P2RX3: variants seen among roughly 807,000 people sequenced by gnomAD.
The protein encoded by P2RX3 is P2X purinoceptor 3.
Under a neutral mutation model 51.5 loss-of-function variants are expected in P2RX3, and 41 were observed. The observed-to-expected ratio is 0.80, with a 90% CI of 0.62 to 1.03. The LOEUF is 1.03. Ranked by LOEUF, P2RX3 falls within the 50% of genes least tolerant of loss-of-function variation. P2RX3 has a pLI of 0.00. For missense variants in P2RX3, 459 were observed against 522.1 expected (o/e 0.88, Z 1.18); for synonymous variants, 185 against 191.6 (o/e 0.97, Z 0.29).
Position 57,368,071 on chromosome 11 carries a change from G to T in P2RX3, c.905G>T (p.Gly302Val), listed in dbSNP as rs183012090. ...SEYRTLLKAF[G>V]IRFDVLVYGN... ...TACCGCACCCTCCTGAAGGCTTTTG[G>T]CATCCGCTTCGACGTGCTGGTATAC... The change falls in exon 9 of 12, where the codon GGC becomes GTC. Residue 302 changes from glycine (G) to valine (V), a missense_variant. Transcript: ENST00000263314. 162 of 1,614,156 alleles carry T rather than the reference G, an allele frequency of 1.0e-4. 1 individual carries two copies. The Admixed American group carries it at 2.6e-3, about 26-fold the overall frequency.
chr11:57,348,259 G>A lies in P2RX3; in HGVS notation c.481G>A (p.Glu161Lys). The A allele has an allele frequency of 6.2e-7, 1 of 1,600,134 alleles. No homozygotes were observed. The highest frequency in any genetic ancestry group is 1.1e-5 in the South Asian group (1 of 88,176). ...GWCPTEVDTV[E>K]TPIMMEAENF... The stretch of plus-strand genomic sequence containing the variant: ...GTGCCCCACGGAGGTGGACACAGTG[G>A]AAACGTAAGGCTCCAAGCCAGACAG... The change falls in exon 5 of 12, where the codon GAA becomes AAA. Residue 161 changes from glutamate to lysine, a missense_variant. Transcript: ENST00000263314.
chr11:57,341,946 A>C (rs984659179), intron 1 of P2RX3, among the ~76,000 whole-genome samples: 1 of 152,006 alleles, frequency 6.6e-6, no homozygotes, highest in Non-Finnish European at 1.5e-5. Flanking sequence ...TTCAGATCTT[A>C]GGTGGGAGTT....
intron 1 of P2RX3, among the ~76,000 whole-genome samples, chr11:57,340,365 C>T (rs1000466213): frequency 1.3e-5 from 2 of 152,182 alleles, no homozygotes; most frequent in Non-Finnish European, 2.9e-5. Flanking sequence ...CCTGCTGGAG[C>T]GAGTGTGCGA....
chr11:57,342,439 AT>A (rs1856358307), intron 1 of P2RX3, among the ~76,000 whole-genome samples: 1 of 151,942 alleles, frequency 6.6e-6, no homozygotes, highest in African/African-American at 2.4e-5. Context: ...GGATTACAAC[AT>A]GAGTCACCAT....
At chr11:57,345,326 C>T (rs1007891748) in intron 1 of P2RX3, among the ~76,000 whole-genome samples, 1 of 152,162 alleles carries the variant, frequency 6.6e-6, no homozygotes, top group African/African-American at 2.4e-5. Context: ...TTCCATGAGA[C>T]GTCACCAGTA....
Position 57,346,722 on chromosome 11 carries a change from C to G in P2RX3, c.255+43C>G, listed in dbSNP as rs768866868. 1.9e-6 allele frequency: 3 copies of G among 1,606,406 alleles called. No individual in the cohort carries two copies. In the Admixed American group the frequency reaches 5.0e-5, roughly 27 times the overall value. ...AGAGAGGCATGTGGATGTCCAGACA[C>G]TGGGCAGGTTGGAAGGGAGAAAGCG... On this transcript the variant is annotated intron_variant, in intron 2 of 11. Coordinates refer to ENST00000263314, the MANE Select transcript of P2RX3 (RefSeq NM_002559.5).
At chr11:57,369,742 A>C in intron 11 of P2RX3, 142 bp from the exon 12 acceptor site, 1 of 679,184 alleles carries the variant, frequency 1.5e-6, no homozygotes, top group Admixed American at 2.3e-5. Context: ...GGTACATGGG[A>C]GGGGCCTTGG....
chr11:57,348,722 C>T lies in P2RX3; in HGVS notation c.563+18C>T. 6.2e-7 allele frequency: 1 copy of T among 1,601,604 alleles called. No individual in the cohort carries two copies. On this transcript the variant is annotated intron_variant, in intron 6 of 11. Transcript: ENST00000263314. ...TTTGAGAAGTGAGTCCCCACTCCTT[C>T]CCTAAAGCCAAGATGCAGGCACCCC...
In P2RX3 at chr11:57,370,697, G is replaced by T. The variant is rs1856872705; in HGVS notation, c.*700G>T. 6.6e-6 allele frequency: 1 copy of T among 152,250 alleles called. No homozygotes were observed. The highest frequency in any genetic ancestry group is 6.5e-5 in the Admixed American group (1 of 15,282). The allele number at this position is 152,250 out of a possible 1,614,324, so 9.4% of individuals were successfully genotyped here. On this transcript the variant is annotated 3_prime_UTR_variant, in exon 12 of 12. Transcript: ENST00000263314. ...ACTTGGGTGCATCCCAAATTTAGAA[G>T]GAAACAGAAGGCATGGCTGTCAGTG... is the stretch of plus-strand genomic sequence containing the variant.
intron 8 of P2RX3, 72 bp from the exon 9 acceptor site, chr11:57,367,937 G>A (rs960790429): frequency 3.0e-5 from 37 of 1,236,806 alleles, no homozygotes; most frequent in Non-Finnish European, 4.0e-5. Flanking sequence ...ACAGGGCTCT[G>A]GAGGACCCAG....
rs1856863835 is a variant in P2RX3, at chr11:57,370,206, G to A, written c.*209G>A. 3.6e-6 allele frequency: 2 copies of A among 549,688 alleles called. No individual in the cohort carries two copies. The highest frequency in any genetic ancestry group is 3.1e-5 in the East Asian group (1 of 32,410). 34.1% of individuals were successfully genotyped at this position (549,688 alleles called of 1,614,324 possible). On this transcript the variant is annotated 3_prime_UTR_variant, in exon 12 of 12. Coordinates refer to ENST00000263314, the MANE Select transcript of P2RX3 (RefSeq NM_002559.5). ...GACCCCAATCTCACCTTCACTCCTT[G>A]CCTGGCCCCATCTGCTTCCTAGGAC...
At chr11:57,346,750 C>A in intron 2 of P2RX3, 71 bp downstream of exon 2, 4 of 1,565,558 alleles carry the variant, frequency 2.6e-6, no homozygotes, top group Non-Finnish European at 3.5e-6. Flanking sequence ...AGAAAGCGAG[C>A]AAAGAGTGCC....
Position 57,348,724 on chromosome 11 carries a change from C to G in P2RX3, c.563+20C>G, listed in dbSNP as rs1856489230. The stretch of plus-strand genomic sequence containing the variant: ...TGAGAAGTGAGTCCCCACTCCTTCC[C>G]TAAAGCCAAGATGCAGGCACCCCCG... On this transcript the variant is annotated intron_variant, in intron 6 of 11. Transcript: ENST00000263314. The G allele has an allele frequency of 1.2e-6, 2 of 1,600,030 alleles. No individual in the cohort carries two copies. The highest frequency in any genetic ancestry group is 1.7e-6 in the Non-Finnish European group (2 of 1,169,462).
intron 8 of P2RX3, 30 bp from the exon 9 acceptor site, chr11:57,367,979 G>A (rs556808696): frequency 1.6e-5 from 25 of 1,567,310 alleles, no homozygotes; most frequent in Admixed American, 3.3e-5. Context: ...GGATCCCACA[G>A]AGGGACCCAT....
chr11:57,345,220 A>G (rs993824668), intron 1 of P2RX3, among the ~76,000 whole-genome samples: 4 of 151,566 alleles, frequency 2.6e-5, no homozygotes, highest in African/African-American at 7.3e-5. Context: ...AATTCCTTCC[A>G]CTCACCTTCA....
At chr11:57,345,315 G>C (rs1856411423) in intron 1 of P2RX3, among the ~76,000 whole-genome samples, 1 of 152,180 alleles carries the variant, frequency 6.6e-6, no homozygotes, top group Non-Finnish European at 1.5e-5. Flanking sequence ...GTGCTCCTCT[G>C]TTCCATGAGA....
intron 8 of P2RX3, among the ~76,000 whole-genome samples, chr11:57,357,966 C>T (rs985179409): frequency 6.6e-6 from 1 of 152,194 alleles, no homozygotes; most frequent in Non-Finnish European, 1.5e-5. Context: ...AACCCGGCTC[C>T]GGCAAGTTTG....
Position 57,350,818 on chromosome 11 carries a change from C to T in P2RX3, c.762C>T (p.Asp254=). ...GWVCDLDKAW[D]QCIPKYSFTR... is the part of the protein sequence containing the mutation. ...TGTGCGACTTGGACAAGGCCTGGGA[C>T]CAGTGCATCCCCAAATACTCCTTCA... The change falls in exon 8 of 12, where the codon GAC becomes GAT. Residue 254 remains aspartate (D), a synonymous_variant. Transcript: ENST00000263314. 1 of 1,613,970 alleles carries T rather than the reference C, an allele frequency of 6.2e-7. No individual in the cohort carries two copies. The highest frequency in any genetic ancestry group is 8.5e-7 in the Non-Finnish European group (1 of 1,180,006).
chr11:57,356,477 A>T (rs866711203), intron 8 of P2RX3, among the ~76,000 whole-genome samples: 10 of 152,182 alleles, frequency 6.6e-5, no homozygotes, highest in African/African-American at 1.9e-4. Flanking sequence ...ACAAAAAAAC[A>T]TTTGTTCAGC....
Sources: gnomAD v4.1 joint callset for allele counts (sites outside exome capture counted in the v4.1 genomes callset) on GRCh38, gnomAD v4.1.1 for gene constraint, MANE v1.5 for transcripts, NCBI Gene and HGNC (gene_info 2026-07-23, HGNC 2026-07-21) for gene names.